Variants in DYM observed in about 807,000 individuals in gnomAD.
DYM encodes the protein dymeclin, also known as dyggve-Melchior-Clausen syndrome protein.
DYM carries 78 observed loss-of-function variants against 93.1 expected under a neutral mutation model. That is an observed-to-expected ratio of 0.84 (90% confidence interval 0.70 to 1.01). DYM has a LOEUF of 1.01. Among genes scored for constraint, DYM ranks in the 50% least tolerant of loss-of-function variants. The pLI, the probability that DYM is intolerant of heterozygous loss-of-function variation, is 0.00. For synonymous variants in DYM, 321 were observed against 319.7 expected (o/e 1.00, Z -0.04); for missense variants, 789 against 845.0 (o/e 0.93, Z 0.82).
At position 49,038,858 on chromosome 18, in the gene DYM, C is replaced by G. The variant is rs1021636143; in HGVS notation, c.*5197G>C. On this transcript the variant is annotated 3_prime_UTR_variant, in exon 18 of 18. Transcript: ENST00000675505. Reference sequence around the variant, plus strand: ...GACTAATATTAAATGAATTTTTACTCTCTTCTTGGATGATGCCAAGTGTCT... The same window carrying G: ...GACTAATATTAAATGAATTTTTACTGTCTTCTTGGATGATGCCAAGTGTCT... 6.6e-6 allele frequency among the ~76,000 whole-genome samples: 1 copy of G among 152,214 alleles called. No individual in the cohort carries two copies. The highest frequency in any genetic ancestry group is 1.5e-5 in the Non-Finnish European group (1 of 68,034).
At chr18:49,206,230 C>T (rs1382158229) in intron 14 of DYM, among the ~76,000 whole-genome samples, 1 of 152,008 alleles carries the variant, frequency 6.6e-6, no homozygotes, top group East Asian at 1.9e-4. Flanking sequence ...GATCTCCTGA[C>T]CTTATGATCT....
chr18:49,058,315 CTTCT>C (rs1232747809), intron 17 of DYM, among the ~76,000 whole-genome samples: 4 of 150,578 alleles, frequency 2.7e-5, no homozygotes, highest in Non-Finnish European at 4.4e-5. Flanking sequence ...TTTTCTTTTT[CTTCT>C]TTTTTTTTTT....
chr18:49,112,113 G>GCCTTCTCTCCGCACCCC (rs2081461274), intron 16 of DYM, among the ~76,000 whole-genome samples: 1 of 126,184 alleles, frequency 7.9e-6, no homozygotes, highest in Non-Finnish European at 1.8e-5. Flanking sequence ...CTCTGCACCC[G>GCCTTCTCTCCGCACCCC]CCTCCTCTCC....
chr18:49,096,523 G>C (rs1235951699), intron 17 of DYM, among the ~76,000 whole-genome samples: 1 of 152,168 alleles, frequency 6.6e-6, no homozygotes, highest in African/African-American at 2.4e-5. Flanking sequence ...GACCTCCTGT[G>C]TTGGTAATTT....
intron 8 of DYM, among the ~76,000 whole-genome samples, chr18:49,312,425 G>A (rs1429101487): frequency 6.6e-6 from 1 of 151,988 alleles, no homozygotes; most frequent in African/African-American, 2.4e-5. Context: ...ACCTTTGAGT[G>A]GTGTCTTCAC....
At chr18:49,118,558 A>G in intron 16 of DYM, 186 bp downstream of exon 16, 1 of 602,932 alleles carries the variant, frequency 1.7e-6, no homozygotes. Context: ...TGTATTAAAT[A>G]TGTATGTGTG....
At chr18:49,104,533 G>A (rs1233870535) in intron 16 of DYM, among the ~76,000 whole-genome samples, 1 of 152,198 alleles carries the variant, frequency 6.6e-6, no homozygotes, top group East Asian at 1.9e-4. Context: ...CATTCAGTAT[G>A]ATACTGGCTG....
At position 49,153,848 on chromosome 18, in the gene DYM, G is replaced by T. The variant is rs1172458762; in HGVS notation, c.1728+9837C>A. Among the ~76,000 whole-genome samples the T allele has an allele frequency of 2.0e-5, 3 of 152,178 alleles. No individual in the cohort carries two copies. In the East Asian group the frequency reaches 5.8e-4, roughly 29 times the overall value. ...GATTTCAAAATTTGTGGGAAAATTTGTAAGCAGAAACAGGATATTGGCATA... is the reference window on the plus strand; with the variant it reads ...GATTTCAAAATTTGTGGGAAAATTTTTAAGCAGAAACAGGATATTGGCATA... On this transcript the variant is annotated intron_variant, in intron 15 of 17. Coordinates refer to ENST00000675505, the MANE Select transcript of DYM (RefSeq NM_001353214.3).
chr18:49,437,575 T>C (rs981852492), intron 1 of DYM, among the ~76,000 whole-genome samples: 5 of 152,198 alleles, frequency 3.3e-5, no homozygotes, highest in Non-Finnish European at 5.9e-5. Context: ...TAGACAGATA[T>C]GATAAATCCA....
chr18:49,135,277 C>A (rs1227773172), intron 15 of DYM, among the ~76,000 whole-genome samples: 1 of 152,108 alleles, frequency 6.6e-6, no homozygotes, highest in Non-Finnish European at 1.5e-5. Context: ...AGATTCAAAT[C>A]AGGAGCTACT....
intron 5 of DYM, among the ~76,000 whole-genome samples, chr18:49,370,630 G>T (rs1265845801): frequency 6.6e-6 from 1 of 152,102 alleles, no homozygotes; most frequent in African/African-American, 2.4e-5. Flanking sequence ...GCTGGACATG[G>T]TGGCATGCGC....
chr18:49,106,900 C>G, intron 16 of DYM, among the ~76,000 whole-genome samples: 1 of 152,114 alleles, frequency 6.6e-6, no homozygotes, highest in East Asian at 1.9e-4. Context: ...TTGCTCTTCT[C>G]GAGGAGTATC....
At chr18:49,192,095 ATTTTTTTTTTTT>A (rs55967928) in intron 14 of DYM, among the ~76,000 whole-genome samples, 8 of 68,290 alleles carry the variant, frequency 1.2e-4, no homozygotes, top group African/African-American at 3.4e-4. Context: ...TGCCTGGCTA[ATTTTTTTTTTTT>A]TTTTTTTTTT....
At chr18:49,084,074 T>A (rs1206194883) in intron 17 of DYM, among the ~76,000 whole-genome samples, 3 of 152,318 alleles carry the variant, frequency 2.0e-5, no homozygotes, top group African/African-American at 7.2e-5. Context: ...GGTAGAAGCT[T>A]AGATTATCTG....
At chr18:49,266,186 C>G (rs1444029558) in intron 11 of DYM, among the ~76,000 whole-genome samples, 1 of 152,120 alleles carries the variant, frequency 6.6e-6, no homozygotes, top group Non-Finnish European at 1.5e-5. Flanking sequence ...TAATAATGTT[C>G]TCATGCTTCT....
chr18:49,080,567 C>T (rs1350903237), intron 17 of DYM, among the ~76,000 whole-genome samples: 4 of 134,538 alleles, frequency 3.0e-5, no homozygotes, highest in Non-Finnish European at 4.9e-5. Context: ...ACCTCCCGGA[C>T]GGGGCGGCTG....
chr18:49,068,447 T>C (rs1829706405), intron 17 of DYM, among the ~76,000 whole-genome samples: 1 of 152,240 alleles, frequency 6.6e-6, no homozygotes, highest in Non-Finnish European at 1.5e-5. Flanking sequence ...AACAAAAGCA[T>C]TTCCCACAAA....
intron 17 of DYM, among the ~76,000 whole-genome samples, chr18:49,046,136 T>C (rs1220532549): frequency 7.2e-6 from 1 of 138,360 alleles, no homozygotes; most frequent in Non-Finnish European, 1.5e-5. Context: ...ACCACTCACA[T>C]AGACACACAC....
intron 1 of DYM, among the ~76,000 whole-genome samples, chr18:49,430,877 C>T (rs2080261786): frequency 1.3e-5 from 1 of 78,932 alleles, no homozygotes; most frequent in South Asian, 6.4e-4. Flanking sequence ...GAGCAAGACT[C>T]CATCTCAAAA....
Sources: gnomAD v4.1 joint callset for allele counts (sites outside exome capture counted in the v4.1 genomes callset) on GRCh38, gnomAD v4.1.1 for gene constraint, MANE v1.5 for transcripts, NCBI Gene and HGNC (gene_info 2026-07-23, HGNC 2026-07-21) for gene names.